HLCS: variants seen among roughly 807,000 people sequenced by gnomAD.
The protein encoded by HLCS is biotin--protein ligase.
In HLCS, 53 loss-of-function variants were observed where a neutral mutation model predicts 75.0. That is an observed-to-expected ratio of 0.71 (90% CI 0.57 to 0.89). The LOEUF (loss-of-function observed/expected upper bound fraction) is 0.89. Among genes scored for constraint, HLCS ranks in the 40% least tolerant of loss-of-function variants. The pLI is 0.00. For missense variants in HLCS, 966 were observed against 1,074.0 expected, an observed-to-expected ratio of 0.90 and a Z score of 1.41; for synonymous variants, 431 against 428.6, an observed-to-expected ratio of 1.01 and a Z score of -0.07.
At chr21:36,942,525 A>G (rs1355674248) in intron 2 of HLCS, among the ~76,000 whole-genome samples, 1 of 152,174 alleles carries the variant, frequency 6.6e-6, no homozygotes, top group Admixed American at 6.5e-5. Context: ...AAACTACAAA[A>G]TTCAGAGAAG....
intron 1 of HLCS, among the ~76,000 whole-genome samples, chr21:36,987,210 C>G (rs1259820207): frequency 6.6e-6 from 1 of 152,190 alleles, no homozygotes; most frequent in Admixed American, 6.5e-5. Context: ...TTTTAATGGA[C>G]AATGGTATTT....
At chr21:36,817,554 C>T (rs1422187510) in intron 6 of HLCS, among the ~76,000 whole-genome samples, 1 of 152,216 alleles carries the variant, frequency 6.6e-6, no homozygotes, top group Non-Finnish European at 1.5e-5. Context: ...CCTGCTCCTC[C>T]GCCTGCTTCT....
At chr21:36,970,718 C>G (rs939888446), upstream of HLCS, among the ~76,000 whole-genome samples, 1 of 151,884 alleles carries the variant, frequency 6.6e-6, no homozygotes, top group Non-Finnish European at 1.5e-5. Flanking sequence ...CTTCGCCGGG[C>G]ACAGTGGCTC....
At chr21:36,867,544 C>T (rs1161682091) in intron 6 of HLCS, among the ~76,000 whole-genome samples, 1 of 152,182 alleles carries the variant, frequency 6.6e-6, no homozygotes, top group Non-Finnish European at 1.5e-5. Context: ...ACCACTCCAG[C>T]CTCACACGTT....
At chr21:36,816,299 G>A (rs1372532581) in intron 6 of HLCS, among the ~76,000 whole-genome samples, 1 of 152,072 alleles carries the variant, frequency 6.6e-6, no homozygotes, top group African/African-American at 2.4e-5. Flanking sequence ...AGGAGGCTGG[G>A]GTGGGAGGAT....
At chr21:36,901,173 G>A (rs970725756) in intron 5 of HLCS, among the ~76,000 whole-genome samples, 19 of 152,252 alleles carry the variant, frequency 1.2e-4, no homozygotes, top group African/African-American at 3.8e-4. Context: ...AACTCAGGAG[G>A]TGGAGGTTGC....
rs534911139 is a variant in HLCS, at chr21:36,911,031, A to G, written c.1621-13900T>C. On this transcript the variant is annotated intron_variant, in intron 5 of 10. Coordinates refer to ENST00000674895, the MANE Select transcript of HLCS (RefSeq NM_001352514.2). ...CACTTAGGGACACCCTCGGGCCAAA[A>G]TGAATCTGGAGATGTGGTTTATTTA... is the stretch of plus-strand genomic sequence containing the variant. 2.6e-5 allele frequency among the ~76,000 whole-genome samples: 4 copies of G among 152,314 alleles called. No individual in the cohort carries two copies. In the South Asian group the frequency reaches 8.3e-4, roughly 32 times the overall value.
intron 6 of HLCS, among the ~76,000 whole-genome samples, chr21:36,832,197 T>C (rs563611726): frequency 7.9e-5 from 12 of 152,294 alleles, no homozygotes; most frequent in Non-Finnish European, 1.6e-4. Context: ...AAGTGTCCTC[T>C]GGCTGTATGT....
intron 5 of HLCS, among the ~76,000 whole-genome samples, chr21:36,928,529 C>T (rs964487039): frequency 6.6e-6 from 1 of 151,870 alleles, no homozygotes. Context: ...ATGATTGCAC[C>T]ACTACACTCC....
chr21:36,876,997 A>G (rs1197271019), intron 6 of HLCS, among the ~76,000 whole-genome samples: 3 of 152,168 alleles, frequency 2.0e-5, no homozygotes, highest in Non-Finnish European at 2.9e-5. Flanking sequence ...TGTCACTGTG[A>G]AATATCCCTC....
chr21:36,807,841 T>C (rs531158524), intron 6 of HLCS, among the ~76,000 whole-genome samples: 1 of 152,216 alleles, frequency 6.6e-6, no homozygotes, highest in South Asian at 2.1e-4. Flanking sequence ...CATTAACAGG[T>C]CTCATGACTC....
At chr21:36,767,636 G>A (rs2090087491) in intron 6 of HLCS, among the ~76,000 whole-genome samples, 1 of 151,650 alleles carries the variant, frequency 6.6e-6, no homozygotes, top group African/African-American at 2.4e-5. Context: ...CACCCCCAAT[G>A]TATGTACCTT....
At chr21:36,852,819 C>G (rs1166299935) in intron 6 of HLCS, among the ~76,000 whole-genome samples, 2 of 152,118 alleles carry the variant, frequency 1.3e-5, no homozygotes, top group African/African-American at 4.8e-5. Context: ...AGACACAGGA[C>G]CCCGCTGAGG....
At chr21:36,870,302 G>T (rs761626592) in intron 6 of HLCS, among the ~76,000 whole-genome samples, 2 of 151,066 alleles carry the variant, frequency 1.3e-5, no homozygotes, top group Non-Finnish European at 2.9e-5. Context: ...ATGAAGGGGT[G>T]GGGGGAGGAA....
chr21:36,907,386 T>G (rs1454177221), intron 5 of HLCS, among the ~76,000 whole-genome samples: 1 of 152,186 alleles, frequency 6.6e-6, no homozygotes, highest in African/African-American at 2.4e-5. Context: ...CCAGACATGG[T>G]AGCCCACACC....
At chr21:36,773,864 G>C (rs1171457415) in intron 6 of HLCS, among the ~76,000 whole-genome samples, 2 of 152,144 alleles carry the variant, frequency 1.3e-5, no homozygotes, top group Non-Finnish European at 2.9e-5. Flanking sequence ...CTTCATTTCA[G>C]AACTACTTTT....
chr21:36,983,026 T>G (rs916157919), intron 1 of HLCS, among the ~76,000 whole-genome samples: 1 of 151,124 alleles, frequency 6.6e-6, no homozygotes, highest in African/African-American at 2.4e-5. Flanking sequence ...ACAGCGAGAC[T>G]CCGTCTCAAA....
At chr21:36,963,124 T>C (rs2068393527) in intron 1 of HLCS, among the ~76,000 whole-genome samples, 1 of 152,098 alleles carries the variant, frequency 6.6e-6, no homozygotes, top group South Asian at 2.1e-4. Flanking sequence ...GTGATTGTAG[T>C]TTTTCAAAAA....
chr21:36,802,821 A>T (rs1411936784), intron 6 of HLCS, among the ~76,000 whole-genome samples: 1 of 152,256 alleles, frequency 6.6e-6, no homozygotes, highest in Non-Finnish European at 1.5e-5. Context: ...TCAACGGAAC[A>T]GCCTGAGAGC....
Sources: allele counts gnomAD v4.1 joint callset (sites outside exome capture counted in the v4.1 genomes callset), GRCh38; gene constraint gnomAD v4.1.1; transcripts MANE v1.5; gene names NCBI Gene and HGNC (gene_info 2026-07-23, HGNC 2026-07-21).